DOP1B: variants seen among roughly 807,000 people sequenced by gnomAD.
DOP1B encodes protein DOP1B.
DOP1B carries 174 observed loss-of-function variants against 233.5 expected under a neutral mutation model. That is an observed-to-expected ratio of 0.75 (90% CI 0.66 to 0.85). The LOEUF (loss-of-function observed/expected upper bound fraction) is 0.85, where lower values mean the gene tolerates loss of function less well. Ranked by LOEUF, DOP1B falls within the 40% of genes least tolerant of loss-of-function variation. DOP1B has a pLI of 0.00. For synonymous variants in DOP1B, 1,190 were observed against 1,185.6 expected, an observed-to-expected ratio of 1.00 and a Z score of -0.08; for missense variants, 2,652 against 2,846.6, an observed-to-expected ratio of 0.93 and a Z score of 1.56.
chr21:36,169,769 G>T, intron 2 of DOP1B: 1 of 1,261,462 alleles, frequency 7.9e-7, no homozygotes, highest in Non-Finnish European at 1.2e-6. Flanking sequence ...TCCTCATCCT[G>T]CCATTTCTTG....
Position 36,276,988 on chromosome 21 carries a change from A to T in DOP1B, c.5633-33A>T, listed in dbSNP as rs2067357033. 7 of 1,610,550 alleles carry T rather than the reference A, an allele frequency of 4.3e-6. No individual in the cohort carries two copies. In the East Asian group the frequency reaches 1.6e-4, roughly 36 times the overall value. On this transcript the variant is annotated intron_variant, in intron 27 of 36. Coordinates refer to ENST00000691173, the MANE Select transcript of DOP1B (RefSeq NM_001320714.2). ...CAGTAAATGGTGACCCATCCATCAT[A>T]GTTAACATACAAATGGCTCTTTCTG...
At chr21:36,270,215 C>T (rs2067271654) in intron 27 of DOP1B, 58 bp downstream of exon 27, 2 of 1,561,118 alleles carry the variant, frequency 1.3e-6, no homozygotes, top group Non-Finnish European at 1.7e-6. Flanking sequence ...TCTGGCTTTT[C>T]CTTAAGAGAG....
chr21:36,158,400 G>A (rs1221116892), intron 1 of DOP1B, among the ~76,000 whole-genome samples: 1 of 152,272 alleles, frequency 6.6e-6, no homozygotes, highest in East Asian at 1.9e-4. Context: ...GCTCGAATCT[G>A]GTTCTGCTAG....
At chr21:36,247,769 A>G in intron 20 of DOP1B, 141 bp downstream of exon 20, 1 of 601,996 alleles carries the variant, frequency 1.7e-6, no homozygotes, top group South Asian at 2.5e-5. Context: ...TGTGAATGCA[A>G]ATATTACATA....
chr21:36,224,052 C>T (rs746911022), intron 11 of DOP1B, among the ~76,000 whole-genome samples: 2 of 152,164 alleles, frequency 1.3e-5, no homozygotes, highest in Admixed American at 6.5e-5. Context: ...AATAAGCTCA[C>T]AACCCTGGGA....
intron 2 of DOP1B, among the ~76,000 whole-genome samples, chr21:36,175,455 G>A (rs1361656044): frequency 6.6e-6 from 1 of 152,090 alleles, no homozygotes; most frequent in African/African-American, 2.4e-5. Flanking sequence ...CTGCATTAGG[G>A]CTCACCCTAA....
In DOP1B at chr21:36,219,343, G is replaced by A. The variant is rs749743209; in HGVS notation, c.1130-29G>A. The A allele has an allele frequency of 3.7e-6, 6 of 1,613,872 alleles. No homozygotes were observed. In the African/African-American group the frequency reaches 8.0e-5, roughly 22 times the overall value. On this transcript the variant is annotated intron_variant, in intron 9 of 36. Transcript: ENST00000691173. ...CTGATTTAAAGGGGATTGTTAATCT[G>A]TCTCTGACCATCTTCCTTCTAATTA...
chr21:36,221,797 C>T (rs541001560), intron 10 of DOP1B, among the ~76,000 whole-genome samples: 89 of 152,206 alleles, frequency 5.8e-4, no homozygotes, highest in Middle Eastern at 3.4e-3. Flanking sequence ...AGGCTGGCCT[C>T]GAATTCCTGA....
At position 36,247,632 on chromosome 21, in the gene DOP1B, A is replaced by C; in HGVS notation, c.4809+4A>C. On this transcript the variant is annotated splice_donor_region_variant and intron_variant, in intron 20 of 36. Coordinates refer to ENST00000691173, the MANE Select transcript of DOP1B (RefSeq NM_001320714.2). ...ACAAGCCAACCAAAACAAAAAGGTA[A>C]ATTTTTTTTTTTCCTGAGTTCAAGG... is the stretch of plus-strand genomic sequence containing the variant. The C allele has an allele frequency of 1.3e-6, 2 of 1,517,280 alleles. No individual in the cohort carries two copies. Among genetic ancestry groups the C allele is most frequent in the South Asian group, 2.4e-5 (2 of 84,084 alleles). 94.0% of individuals were successfully genotyped at this position (1,517,280 alleles called of 1,614,324 possible).
intron 16 of DOP1B, 143 bp from the exon 17 acceptor site, chr21:36,238,458 A>G (rs1365147734): frequency 1.3e-5 from 9 of 675,174 alleles, no homozygotes; most frequent in Admixed American, 2.5e-5. Flanking sequence ...GAATCAGTCA[A>G]AGGAGAATGC....
intron 23 of DOP1B, among the ~76,000 whole-genome samples, chr21:36,259,874 A>G (rs1487227499): frequency 1.3e-5 from 2 of 152,190 alleles, no homozygotes; most frequent in Non-Finnish European, 1.5e-5. Context: ...AGTTTAGTTA[A>G]TTAATAGCTG....
intron 3 of DOP1B, 127 bp downstream of exon 3, chr21:36,199,378 G>A: frequency 8.3e-7 from 1 of 1,206,462 alleles, no homozygotes. Flanking sequence ...TTATCATAAA[G>A]CCATCACCAG....
intron 4 of DOP1B, 115 bp from the exon 5 acceptor site, chr21:36,208,600 C>T: frequency 8.8e-7 from 1 of 1,139,664 alleles, no homozygotes; most frequent in Non-Finnish European, 1.2e-6. Context: ...GAAGGTGGGG[C>T]TTCCCCAGCC....
chr21:36,293,248 T>C, intron 36 of DOP1B, 72 bp from the exon 37 acceptor site: 1 of 1,518,046 alleles, frequency 6.6e-7, no homozygotes. Context: ...TTTTGCCACA[T>C]GCATGTGCTT....
intron 32 of DOP1B, 122 bp from the exon 33 acceptor site, chr21:36,287,892 C>T (rs78702655): frequency 0.083 from 106,675 of 1,285,738 alleles, 4,906 homozygotes; most frequent in Non-Finnish European, 0.092. Flanking sequence ...GCCTGTAACA[C>T]TCATTCCTTA....
chr21:36,176,595 G>C (rs1276826404), intron 2 of DOP1B, among the ~76,000 whole-genome samples: 1 of 152,090 alleles, frequency 6.6e-6, no homozygotes, highest in Non-Finnish European at 1.5e-5. Context: ...GCAGGGCCAG[G>C]GTCATCGTGG....
At chr21:36,238,989 G>C (rs555864522) in intron 17 of DOP1B, among the ~76,000 whole-genome samples, 1 of 152,156 alleles carries the variant, frequency 6.6e-6, no homozygotes, top group South Asian at 2.1e-4. Flanking sequence ...TGTAATCCCA[G>C]CTACTTGGGA....
rs1227930122 is a variant in DOP1B, at chr21:36,237,415, G to A, written c.2775+1G>A. 1.2e-6 allele frequency: 2 copies of A among 1,613,728 alleles called. No individual in the cohort carries two copies. The highest frequency in any genetic ancestry group is 1.3e-5 in the African/African-American group (1 of 74,934). ...CCATGCCCTCCTGGACCCTGACAAG[G>A]TGAGCCTTTCTGGCCGCCACCTCCA... On this transcript the variant is annotated splice_donor_variant, in intron 16 of 36. Transcript: ENST00000691173. LOFTEE classifies it high-confidence loss of function.
intron 24 of DOP1B, 133 bp downstream of exon 24, chr21:36,260,865 A>G (rs942855163): frequency 3.1e-5 from 47 of 1,511,288 alleles, no homozygotes; most frequent in Middle Eastern, 3.5e-4. Flanking sequence ...TAAAGTTGTC[A>G]TAATTTCTTC....
Sources: gnomAD v4.1 joint callset for allele counts (sites outside exome capture counted in the v4.1 genomes callset) on GRCh38, gnomAD v4.1.1 for gene constraint, MANE v1.5 for transcripts, NCBI Gene and HGNC (gene_info 2026-07-23, HGNC 2026-07-21) for gene names.